FILIP1: variants seen among roughly 807,000 people sequenced by gnomAD.
FILIP1 encodes filamin A interacting protein 1, also known as filamin-A-interacting protein 1.
FILIP1 carries 61 observed loss-of-function variants against 102.1 expected under a neutral mutation model. That is an observed-to-expected ratio of 0.60 (90% CI 0.49 to 0.74). The LOEUF (loss-of-function observed/expected upper bound fraction) is 0.74. FILIP1 is among the 30% of genes least tolerant of loss of function. The pLI is 0.00. For missense variants in FILIP1, 1,314 were observed against 1,441.2 expected (o/e 0.91, Z 1.43); for synonymous variants, 491 against 526.9 (o/e 0.93, Z 0.93).
At chr6:75,429,329 T>C (rs943451525) in intron 1 of FILIP1, among the ~76,000 whole-genome samples, 44 of 152,256 alleles carry the variant, frequency 2.9e-4, no homozygotes, top group African/African-American at 1.0e-3. Flanking sequence ...AGGCCAACTC[T>C]GTGTGTAGGG....
chr6:75,354,996 C>T (rs534034508), intron 3 of FILIP1, among the ~76,000 whole-genome samples: 1 of 152,076 alleles, frequency 6.6e-6, no homozygotes, highest in East Asian at 1.9e-4. Flanking sequence ...AGAGTTCTTA[C>T]CAAATATTAT....
intron 4 of FILIP1, among the ~76,000 whole-genome samples, chr6:75,352,458 T>C (rs895786696): frequency 6.6e-6 from 1 of 152,196 alleles, no homozygotes; most frequent in African/African-American, 2.4e-5. Context: ...GAATGTATTA[T>C]AAAATTTTTA....
rs566598749 is a variant in FILIP1 at position 75,338,015 on chromosome 6, G to A, written c.629+15524C>T. On this transcript the variant is annotated intron_variant, in intron 4 of 5. Transcript: ENST00000237172. Reference sequence around the variant, plus strand: ...CCTCCCCTCTAAGAGCACGCTGGATGTGGTGCAGTCATAGTCCACCATTTC... The same window carrying A: ...CCTCCCCTCTAAGAGCACGCTGGATATGGTGCAGTCATAGTCCACCATTTC... Among the ~76,000 whole-genome samples the A allele has an allele frequency of 7.2e-5, 11 of 152,314 alleles. No homozygotes were observed. The South Asian group carries it at 2.1e-3, about 29-fold the overall frequency.
At chr6:75,358,240 A>C (rs1775066869) in intron 3 of FILIP1, 1 of 152,238 alleles carries the variant, frequency 6.6e-6, no homozygotes, top group Non-Finnish European at 1.5e-5. Context: ...GGCTAACTGG[A>C]GAAGTATTAA....
chr6:75,328,857 C>A (rs1187041837), intron 4 of FILIP1, among the ~76,000 whole-genome samples: 1 of 152,176 alleles, frequency 6.6e-6, no homozygotes, highest in Non-Finnish European at 1.5e-5. Flanking sequence ...TCTCAGCTCC[C>A]TTGGCCTTTG....
intron 1 of FILIP1, among the ~76,000 whole-genome samples, chr6:75,493,039 A>C (rs956636963): frequency 6.6e-6 from 1 of 152,232 alleles, no homozygotes; most frequent in Non-Finnish European, 1.5e-5. Context: ...CAGTAAATGA[A>C]AGTTATTTTA....
intron 4 of FILIP1, among the ~76,000 whole-genome samples, chr6:75,321,973 A>G (rs1337535473): frequency 6.6e-6 from 1 of 152,152 alleles, no homozygotes; most frequent in Non-Finnish European, 1.5e-5. Flanking sequence ...ACAGATACAG[A>G]GAAAGAGGGA....
intron 1 of FILIP1, among the ~76,000 whole-genome samples, chr6:75,453,682 T>C (rs748029954): frequency 2.0e-5 from 3 of 152,186 alleles, no homozygotes; most frequent in African/African-American, 2.4e-5. Context: ...CTTGGTGTTA[T>C]GCACCTCTAG....
chr6:75,352,104 A>AT (rs1774829686), intron 4 of FILIP1, among the ~76,000 whole-genome samples: 1 of 152,202 alleles, frequency 6.6e-6, no homozygotes, highest in Non-Finnish European at 1.5e-5. Flanking sequence ...ATTACCAATA[A>AT]TTTTTTTAAA....
chr6:75,470,475 GTTAT>G (rs1779298244), intron 1 of FILIP1, among the ~76,000 whole-genome samples: 1 of 152,254 alleles, frequency 6.6e-6, no homozygotes, highest in African/African-American at 2.4e-5. Flanking sequence ...GGCTGGGCAA[GTTAT>G]TTGATATTTC....
chr6:75,319,596 C>G, intron 4 of FILIP1: 2 of 460,322 alleles, frequency 4.3e-6, no homozygotes, highest in South Asian at 1.8e-5. Context: ...TTTGGGAGGC[C>G]GAGGCTGGCG....
intron 1 of FILIP1, among the ~76,000 whole-genome samples, chr6:75,475,342 G>A (rs1040213986): frequency 5.3e-5 from 8 of 152,120 alleles, no homozygotes; most frequent in African/African-American, 1.7e-4. Flanking sequence ...TTTATTTCCC[G>A]ATAATCCTGA....
intron 2 of FILIP1, among the ~76,000 whole-genome samples, chr6:75,412,660 C>T (rs1435810681): frequency 1.3e-5 from 2 of 152,150 alleles, no homozygotes; most frequent in South Asian, 2.1e-4. Flanking sequence ...TCTACTACTA[C>T]AAGAATATAT....
chr6:75,360,927 C>G (rs973590015), intron 3 of FILIP1: 1 of 152,180 alleles, frequency 6.6e-6, no homozygotes, highest in Non-Finnish European at 1.5e-5. Flanking sequence ...GTAACAAGAA[C>G]TTGACTGTTA....
At position 75,428,221 on chromosome 6, in the gene FILIP1, G is replaced by A. The variant is rs80017710; in HGVS notation, c.-6-13243C>T. Among the ~76,000 whole-genome samples the A allele has an allele frequency of 8.8e-3, 1,344 of 152,158 alleles. 48 individuals are homozygous for A. The East Asian group carries it at 0.12, about 14-fold the overall frequency. On this transcript the variant is annotated intron_variant, in intron 1 of 5. Coordinates refer to ENST00000237172, the MANE Select transcript of FILIP1 (RefSeq NM_015687.5). ...TCTTGGAAAGCCAAGCTGAACCCAC[G>A]GTTCACATATCAGGCATATCTTTGC...
At chr6:75,339,856 G>A (rs1774363429) in intron 4 of FILIP1, among the ~76,000 whole-genome samples, 1 of 152,114 alleles carries the variant, frequency 6.6e-6, no homozygotes, top group African/African-American at 2.4e-5. Flanking sequence ...ACTGAGGCAG[G>A]AGAATCGCTT....
At chr6:75,292,703 C>CA (rs1562410015) in exon 7 of FILIP1, 43 of 125,360 alleles carry the variant, frequency 3.4e-4, no homozygotes, top group African/African-American at 1.1e-3. Flanking sequence ...GTGCCAGTTG[C>CA]GTTTTTTAAC....
At chr6:75,382,322 T>C (rs925957524) in intron 2 of FILIP1, among the ~76,000 whole-genome samples, 1 of 152,218 alleles carries the variant, frequency 6.6e-6, no homozygotes, top group Non-Finnish European at 1.5e-5. Flanking sequence ...CTTCTTGCAA[T>C]GTACTTTGAA....
downstream of FILIP1, among the ~76,000 whole-genome samples, chr6:75,303,785 G>GGATAGATA (rs373392306): frequency 2.0e-5 from 3 of 151,644 alleles, no homozygotes; most frequent in African/African-American, 7.3e-5. Context: ...GAGAGAGAGA[G>GGATAGATA]GATAGATAGA....
Sources: allele counts gnomAD v4.1 joint callset (sites outside exome capture counted in the v4.1 genomes callset), GRCh38; gene constraint gnomAD v4.1.1; transcripts MANE v1.5; gene names NCBI Gene and HGNC (gene_info 2026-07-23, HGNC 2026-07-21).